PFKM: variants seen among roughly 807,000 people sequenced by gnomAD.
The protein encoded by PFKM is phosphofructokinase, muscle, also known as ATP-dependent 6-phosphofructokinase, muscle type.
PFKM carries 58 observed loss-of-function variants against 95.5 expected under a neutral mutation model. That is an observed-to-expected ratio of 0.61 (90% CI 0.49 to 0.76). The LOEUF is 0.76. PFKM is among the 30% of genes least tolerant of loss of function. The probability of loss-of-function intolerance (pLI) is 0.00; values close to 1 mark genes in which losing one functional copy is unlikely to be tolerated. For synonymous variants in PFKM, 336 were observed against 357.2 expected, an observed-to-expected ratio of 0.94 and a Z score of 0.67; for missense variants, 678 against 1,005.4, an observed-to-expected ratio of 0.67 and a Z score of 4.40.
intron 1 of PFKM, among the ~76,000 whole-genome samples, chr12:48,121,424 C>T (rs1042726125): frequency 3.3e-5 from 5 of 152,176 alleles, no homozygotes; most frequent in African/African-American, 4.8e-5. Flanking sequence ...ATATGTAGTA[C>T]GTTCATTAAT....
chr12:48,135,064 C>A (rs1343585756), intron 9 of PFKM, 26 bp downstream of exon 9: 1 of 1,532,024 alleles, frequency 6.5e-7, no homozygotes. Flanking sequence ...GCCAGAGAGG[C>A]CTTAGAATCC....
Position 48,145,238 on chromosome 12 carries a change from G to C in PFKM, c.2121G>C (p.Ser707=), listed in dbSNP as rs370046842. The C allele has an allele frequency of 6.2e-7, 1 of 1,613,926 alleles. No individual in the cohort carries two copies. Among genetic ancestry groups the C allele is most frequent in the Non-Finnish European group, 8.5e-7 (1 of 1,180,006 alleles). The change falls in exon 22 of 23, where the codon TCG becomes TCC. Residue 707 remains serine, a synonymous_variant. Transcript: ENST00000359794. This position sits in a 1 kb window ranked among gnomAD's most constrained non-coding sequence, Gnocchi z 4.3. Reference sequence around the variant, plus strand: ...GGATCTTTGCCAATACTCCAGATTCGGGCTGTGTTCTGGGGATGCGTAAGA... The same window carrying C: ...GGATCTTTGCCAATACTCCAGATTCCGGCTGTGTTCTGGGGATGCGTAAGA... ...NGRIFANTPD[S]GCVLGMRKRA...
chr12:48,111,518 G>A (rs1163042216), intron 3 of PFKM, among the ~76,000 whole-genome samples: 1 of 152,234 alleles, frequency 6.6e-6, no homozygotes, highest in African/African-American at 2.4e-5. Context: ...CTTTGCAAGA[G>A]TGAGAGCTCA....
chr12:48,134,632 A>G (rs1169988660), intron 7 of PFKM, 89 bp from the exon 8 acceptor site: 2 of 978,474 alleles, frequency 2.0e-6, no homozygotes, highest in East Asian at 2.5e-5. Context: ...CCTTTTATCA[A>G]CTATGAGGAC....
At chr12:48,142,314 A>T (rs1950641310) in intron 17 of PFKM, 1 of 516,044 alleles carries the variant, frequency 1.9e-6, no homozygotes, top group Admixed American at 3.2e-5. Flanking sequence ...CTCTACTAAA[A>T]ATACAAAAAC....
intron 3 of PFKM, among the ~76,000 whole-genome samples, chr12:48,110,636 A>G (rs1026915073): frequency 6.6e-6 from 1 of 152,190 alleles, no homozygotes; most frequent in African/African-American, 2.4e-5. Flanking sequence ...CAAGAAATTC[A>G]CAGGGACTCC....
upstream of PFKM, chr12:48,118,641 A>C (rs1244897589): frequency 5.5e-6 from 5 of 903,400 alleles, no homozygotes; most frequent in Non-Finnish European, 8.8e-6. Context: ...TCCAGAGTGG[A>C]TCCTGTTTGC....
intron 4 of PFKM, chr12:48,131,915 CAT>C (rs775083223): frequency 7.1e-6 from 3 of 424,448 alleles, no homozygotes; most frequent in African/African-American, 2.0e-5. Flanking sequence ...TTAGGCTTCT[CAT>C]GTGTATCCAC....
chr12:48,108,299 A>G, intron 3 of PFKM: 1 of 1,013,700 alleles, frequency 9.9e-7, no homozygotes, highest in Non-Finnish European at 1.4e-6. Context: ...AAGCTGAAAT[A>G]TAAGACCCAA....
At chr12:48,107,334 C>T (rs1313073216) in intron 1 of PFKM, 1 of 1,378,912 alleles carries the variant, frequency 7.3e-7, no homozygotes. Context: ...CAGCTCTGTT[C>T]GTTTGGATTA....
Position 48,136,444 on chromosome 12 carries a change from A to G in PFKM, c.936+1061A>G. 1.3e-5 allele frequency among the ~76,000 whole-genome samples: 2 copies of G among 152,116 alleles called. 1 individual carries two copies. The highest frequency in any genetic ancestry group is 2.9e-5 in the Non-Finnish European group (2 of 68,028). On this transcript the variant is annotated intron_variant, in intron 10 of 22. Transcript: ENST00000359794. ...AATCATTCAAACATTTGAGTTTTCA[A>G]TTTTTGGCTATTAGGGATAAAGCGA... is the stretch of plus-strand genomic sequence containing the variant.
rs748975915 is a variant in PFKM, at chr12:48,142,936, G to A, written c.1808G>A (p.Arg603Gln). 26 of 1,613,704 alleles carry A rather than the reference G, an allele frequency of 1.6e-5. No individual in the cohort carries two copies. The highest frequency in any genetic ancestry group is 2.1e-5 in the Non-Finnish European group (25 of 1,180,002). The change falls in exon 18 of 23, where the codon CGA becomes CAA. Residue 603 changes from arginine to glutamine, a missense_variant. By Grantham distance (43) the Arg-to-Gln change is conservative. Transcript: ENST00000359794. ...AYIFEEPFTI[R>Q]DLQANVEHLV... Reference sequence around the variant, plus strand: ...ATTTTTGAGGAGCCCTTCACCATTCGAGACCTGCAGGTAGCTGGCCACCCA... The same window carrying A: ...ATTTTTGAGGAGCCCTTCACCATTCAAGACCTGCAGGTAGCTGGCCACCCA...
At chr12:48,138,942 A>C (rs1950340534) in intron 11 of PFKM, among the ~76,000 whole-genome samples, 1 of 152,186 alleles carries the variant, frequency 6.6e-6, no homozygotes, top group African/African-American at 2.4e-5. Flanking sequence ...TGGGAGGCTG[A>C]GGCAGAAGAA....
chr12:48,129,409 A>G (rs1260387648), intron 2 of PFKM, among the ~76,000 whole-genome samples: 1 of 151,114 alleles, frequency 6.6e-6, no homozygotes, highest in African/African-American at 2.4e-5. Flanking sequence ...AATGATTTAC[A>G]GTATACTTTT....
intron 3 of PFKM, among the ~76,000 whole-genome samples, chr12:48,130,970 C>T (rs1023319908): frequency 6.6e-6 from 1 of 152,200 alleles, no homozygotes; most frequent in African/African-American, 2.4e-5. Context: ...CCAACTTCCC[C>T]TTCTCCTTTT....
chr12:48,113,168 A>T (rs1325652246), intron 3 of PFKM, among the ~76,000 whole-genome samples: 1 of 152,192 alleles, frequency 6.6e-6, no homozygotes, highest in Non-Finnish European at 1.5e-5. Flanking sequence ...GTATTGTCCA[A>T]GTTGTCACGA....
chr12:48,114,414 G>T (rs576319781), upstream of PFKM, among the ~76,000 whole-genome samples: 312 of 152,300 alleles, frequency 2.0e-3, no homozygotes, highest in Non-Finnish European at 3.6e-3. Context: ...TTGGGCAGGT[G>T]GGGGAGAGCT....
intron 1 of PFKM, among the ~76,000 whole-genome samples, chr12:48,120,543 T>C (rs770480630): frequency 2.7e-4 from 41 of 152,184 alleles, no homozygotes; most frequent in Admixed American, 4.6e-4. Context: ...ACTTCGTCTG[T>C]AAAAGACCAG....
intron 2 of PFKM, among the ~76,000 whole-genome samples, chr12:48,127,400 AC>A (rs961268184): frequency 8.6e-5 from 13 of 152,014 alleles, no homozygotes; most frequent in African/African-American, 3.1e-4. Context: ...TGAATGTATC[AC>A]CCCCACTGCC....
Sources: gnomAD v4.1 joint callset for allele counts (sites outside exome capture counted in the v4.1 genomes callset) on GRCh38, gnomAD v4.1.1 for gene constraint, Gnocchi (gnomAD v3.1) non-coding constraint, MANE v1.5 for transcripts, NCBI Gene and HGNC (gene_info 2026-07-23, HGNC 2026-07-21) for gene names.